The following ATP1B1 variants were observed in gnomAD, a reference collection of about 807,000 sequenced individuals.
ATP1B1 encodes the protein ATPase Na+/K+ transporting subunit beta 1.
ATP1B1 carries 3 observed loss-of-function variants against 39.6 expected under a neutral mutation model. The observed-to-expected ratio is 0.08, with a 90% CI of 0.03 to 0.20. The LOEUF (loss-of-function observed/expected upper bound fraction) is 0.20. Among genes scored for constraint, ATP1B1 ranks in the 10% least tolerant of loss-of-function variants. The pLI is 1.00. For missense variants in ATP1B1, 216 were observed against 371.1 expected, an observed-to-expected ratio of 0.58 and a Z score of 3.43; for synonymous variants, 139 against 135.0, an observed-to-expected ratio of 1.03 and a Z score of -0.20.
At position 169,131,075 on chromosome 1, in the gene ATP1B1, C is replaced by G. The variant is rs1490816188; in HGVS notation, c.649-217C>G. 6.6e-6 allele frequency among the ~76,000 whole-genome samples: 1 copy of G among 152,170 alleles called. No individual in the cohort carries two copies. The highest frequency in any genetic ancestry group is 1.9e-4 in the East Asian group (1 of 5,194). On this transcript the variant is annotated intron_variant, in intron 5 of 5. Coordinates refer to ENST00000367815, the MANE Select transcript of ATP1B1 (RefSeq NM_001677.4). The surrounding 1 kb of genome is among the most constrained non-coding windows in gnomAD (Gnocchi z 4.4). The stretch of plus-strand genomic sequence containing the variant: ...TTGTTTCTAGGAGGCTTGAAGAATG[C>G]TTATTTGGCATTTGACTCAGCTTCC...
chr1:169,106,947 T>C, intron 1 of ATP1B1, 21 bp downstream of exon 1: 2 of 1,562,648 alleles, frequency 1.3e-6, no homozygotes, highest in African/African-American at 1.4e-5. Context: ...GGTCCGCAGC[T>C]CCCGGCCGCC....
chr1:169,114,457 G>A (rs1318674782), intron 2 of ATP1B1, among the ~76,000 whole-genome samples: 1 of 152,102 alleles, frequency 6.6e-6, no homozygotes, highest in Non-Finnish European at 1.5e-5. Flanking sequence ...GCCTGACTGG[G>A]TATTGACTGC....
intron 1 of ATP1B1, among the ~76,000 whole-genome samples, chr1:169,109,082 T>A (rs925710661): frequency 2.6e-5 from 4 of 152,236 alleles, no homozygotes; most frequent in Non-Finnish European, 5.9e-5. Context: ...GAGACTCGCC[T>A]GTCACCTGCT....
intron 5 of ATP1B1, among the ~76,000 whole-genome samples, chr1:169,130,432 G>C (rs1234876193): frequency 6.8e-6 from 1 of 146,620 alleles, no homozygotes; most frequent in African/African-American, 2.5e-5. Flanking sequence ...AAAAATTTGG[G>C]GCCAACATTA....
intron 4 of ATP1B1, among the ~76,000 whole-genome samples, chr1:169,129,254 G>A (rs1658151716): frequency 6.6e-6 from 1 of 152,158 alleles, no homozygotes; most frequent in Non-Finnish European, 1.5e-5. Flanking sequence ...CTCACTTGCT[G>A]TGCTGATCTG....
At position 169,106,767 on chromosome 1, in the gene ATP1B1, G is replaced by A. The variant is rs1657599762; in HGVS notation, c.-63G>A. Reference sequence around the variant, plus strand: ...GGAGAAGCCGAGCGGCGCAGAGGACGCCAGGGCGCGCGCCGCAGCCACCCA... The same window carrying A: ...GGAGAAGCCGAGCGGCGCAGAGGACACCAGGGCGCGCGCCGCAGCCACCCA... On this transcript the variant is annotated 5_prime_UTR_variant, in exon 1 of 6. Coordinates refer to ENST00000367815, the MANE Select transcript of ATP1B1 (RefSeq NM_001677.4). The A allele has an allele frequency of 8.6e-6, 12 of 1,395,752 alleles. 1 individual carries two copies. The Admixed American group carries it at 2.5e-4, about 29-fold the overall frequency. The allele number at this position is 1,395,752 out of a possible 1,614,324, so 86.5% of individuals were successfully genotyped here. A position where few individuals can be genotyped will look rare whatever the true frequency, so the allele number is the denominator to read the frequency against.
intron 2 of ATP1B1, among the ~76,000 whole-genome samples, chr1:169,116,002 C>T (rs140594417): frequency 1.6e-4 from 25 of 152,316 alleles, no homozygotes; most frequent in African/African-American, 4.3e-4. Context: ...TGGGGAGAGA[C>T]GCAGCAATTA....
chr1:169,120,617 G>C (rs1030132540), intron 2 of ATP1B1, among the ~76,000 whole-genome samples: 10 of 152,246 alleles, frequency 6.6e-5, no homozygotes, highest in Middle Eastern at 3.4e-3. Context: ...TTGCTTTCTT[G>C]GTTTCACTAG....
intron 2 of ATP1B1, among the ~76,000 whole-genome samples, chr1:169,113,214 C>T (rs1657765047): frequency 6.6e-6 from 1 of 152,092 alleles, no homozygotes; most frequent in East Asian, 1.9e-4. Context: ...TATAGGCATG[C>T]ACCACCATGC....
At chr1:169,121,169 ACTC>A (rs1245540090) in intron 2 of ATP1B1, among the ~76,000 whole-genome samples, 1 of 151,200 alleles carries the variant, frequency 6.6e-6, no homozygotes, top group Non-Finnish European at 1.5e-5. Flanking sequence ...CTGGTCTCGA[ACTC>A]CTGGCCTCAA....
chr1:169,126,000 C>T (rs1658077668), intron 3 of ATP1B1, among the ~76,000 whole-genome samples: 1 of 152,086 alleles, frequency 6.6e-6, no homozygotes, highest in South Asian at 2.1e-4. Flanking sequence ...AACAAACAAA[C>T]ATAAAACATC....
intron 2 of ATP1B1, among the ~76,000 whole-genome samples, chr1:169,117,291 G>C (rs528329449): frequency 3.3e-4 from 51 of 152,296 alleles, no homozygotes; most frequent in Non-Finnish European, 6.0e-4. Flanking sequence ...ATTTCCAAAA[G>C]CTACTGCACA....
intron 2 of ATP1B1, among the ~76,000 whole-genome samples, chr1:169,116,845 C>T (rs1264698041): frequency 6.6e-6 from 1 of 151,302 alleles, no homozygotes; most frequent in Non-Finnish European, 1.5e-5. Flanking sequence ...GAGCAAGACT[C>T]CATCTAAAAA....
intron 2 of ATP1B1, among the ~76,000 whole-genome samples, chr1:169,123,780 C>G (rs1030781910): frequency 6.6e-6 from 1 of 151,920 alleles, no homozygotes; most frequent in East Asian, 1.9e-4. Context: ...GTGTGTGTCA[C>G]CATGCCTGGC....
At chr1:169,124,407 T>C (rs892187822) in intron 2 of ATP1B1, among the ~76,000 whole-genome samples, 11 of 152,204 alleles carry the variant, frequency 7.2e-5, no homozygotes, top group Non-Finnish European at 1.5e-5. Context: ...ATAAGGATTA[T>C]AAAAGAAGAC....
Position 169,127,311 on chromosome 1 carries a change from G to C in ATP1B1, c.470G>C (p.Gly157Ala), listed in dbSNP as rs370098063. Reference protein sequence around the residue: ...KVCRFKLEWLGNCSGLNDETY... With the variant: ...KVCRFKLEWLANCSGLNDETY... Reference sequence around the variant, plus strand: ...TGCAGATTCAAGCTTGAATGGCTGGGAAATTGCTCTGGATTAAATGATGAA... The same window carrying C: ...TGCAGATTCAAGCTTGAATGGCTGGCAAATTGCTCTGGATTAAATGATGAA... The change falls in exon 4 of 6, where the codon GGA (glycine) becomes GCA (alanine). Residue 157 changes from glycine (G) to alanine (A), a missense_variant. Physicochemically the swap from Gly to Ala is moderately conservative, Grantham distance 60. Coordinates refer to ENST00000367815, the MANE Select transcript of ATP1B1 (RefSeq NM_001677.4). The C allele has an allele frequency of 2.5e-6, 4 of 1,611,360 alleles. No individual in the cohort carries two copies. The African/African-American group carries it at 5.4e-5, about 22-fold the overall frequency.
intron 2 of ATP1B1, among the ~76,000 whole-genome samples, chr1:169,123,607 A>C (rs1397118389): frequency 6.7e-6 from 1 of 150,102 alleles, no homozygotes; most frequent in Non-Finnish European, 1.5e-5. Flanking sequence ...ATATTTATAT[A>C]TATCTCTATC....
intron 2 of ATP1B1, among the ~76,000 whole-genome samples, chr1:169,122,746 ATTTTTTTT>A (rs753882699): frequency 0.023 from 1,855 of 82,428 alleles, 75 homozygotes; most frequent in African/African-American, 0.075. Flanking sequence ...TTTCAGGATG[ATTTTTTTT>A]TTTTTTTTTT....
chr1:169,107,698 G>T (rs950153470), intron 1 of ATP1B1, among the ~76,000 whole-genome samples: 5 of 151,896 alleles, frequency 3.3e-5, no homozygotes, highest in Non-Finnish European at 5.9e-5. Context: ...TTGCTTGGTT[G>T]GATAGACTTT....
Sources: allele counts gnomAD v4.1 joint callset (sites outside exome capture counted in the v4.1 genomes callset), GRCh38; gene constraint gnomAD v4.1.1; non-coding constraint Gnocchi (gnomAD v3.1); transcripts MANE v1.5; gene names NCBI Gene and HGNC (gene_info 2026-07-23, HGNC 2026-07-21).